The following CDHR3 variants were observed in gnomAD, a reference collection of about 807,000 sequenced individuals.
CDHR3 encodes the protein cadherin related family member 3.
CDHR3 carries 79 observed loss-of-function variants against 86.6 expected under a neutral mutation model. The observed-to-expected ratio is 0.91, with a 90% confidence interval of 0.76 to 1.10. The LOEUF is 1.10. CDHR3 is among the 50% of genes least tolerant of loss of function. The pLI is 0.00. For synonymous variants in CDHR3, 421 were observed against 402.4 expected, an observed-to-expected ratio of 1.05 and a Z score of -0.55; for missense variants, 1,081 against 1,077.6, an observed-to-expected ratio of 1.00 and a Z score of -0.04.
chr7:106,020,923 A>G (rs1284903285), intron 13 of CDHR3, among the ~76,000 whole-genome samples: 1 of 152,156 alleles, frequency 6.6e-6, no homozygotes, highest in Non-Finnish European at 1.5e-5. Context: ...AAGGCCCAAG[A>G]AAAGGGTGAA....
chr7:106,016,043 C>CA lies in CDHR3; in HGVS notation c.1426+19dup. On this transcript the variant is annotated intron_variant, in intron 11 of 18. Coordinates refer to ENST00000317716, the MANE Select transcript of CDHR3 (RefSeq NM_152750.5). ...AAGGCCCGGTAAGTAACAGATAAGACACAGACCAGAGTGCTGTCAATGGAC... is the reference window on the plus strand; with the variant it reads ...AAGGCCCGGTAAGTAACAGATAAGACAACAGACCAGAGTGCTGTCAATGGAC... 1 of 1,542,296 alleles carries CA rather than the reference C, an allele frequency of 6.5e-7. No homozygotes were observed. Among genetic ancestry groups the CA allele is most frequent in the Non-Finnish European group, 8.9e-7 (1 of 1,120,858 alleles).
At chr7:105,964,185 TC>T (rs1826496478) in intron 1 of CDHR3, among the ~76,000 whole-genome samples, 1 of 152,198 alleles carries the variant, frequency 6.6e-6, no homozygotes, top group African/African-American at 2.4e-5. Context: ...CATTTGTTTT[TC>T]TTAGGAGTAT....
At chr7:105,982,557 C>T (rs1264352491) in intron 3 of CDHR3, among the ~76,000 whole-genome samples, 1 of 152,020 alleles carries the variant, frequency 6.6e-6, no homozygotes, top group Non-Finnish European at 1.5e-5. Flanking sequence ...CTCCTTTCCC[C>T]TTCTCCCCCT....
chr7:106,009,558 G>A (rs2115826404), intron 8 of CDHR3, among the ~76,000 whole-genome samples: 1 of 152,368 alleles, frequency 6.6e-6, no homozygotes, highest in South Asian at 2.1e-4. Flanking sequence ...CTGCTGTGGA[G>A]TTCTTGAGAG....
At position 106,032,610 on chromosome 7, in the gene CDHR3, A is replaced by G; in HGVS notation, c.2571A>G (p.Arg857=). 4 of 1,613,958 alleles carry G rather than the reference A, an allele frequency of 2.5e-6. No homozygotes were observed. Among genetic ancestry groups the G allele is most frequent in the Non-Finnish European group, 3.4e-6 (4 of 1,179,874 alleles). ...CTGAGGATGCTGGTCTGGGTTCCAG[A>G]AATGAGGGTGGCAAGCTGGGCAACC... The part of the protein sequence containing the change: ...AWAEDAGLGS[R]NEGGKLGNPK... The change falls in exon 19 of 19, where the codon AGA becomes AGG. Residue 857 remains arginine, a synonymous_variant. Transcript: ENST00000317716.
At chr7:106,003,850 A>G (rs1003944556) in intron 7 of CDHR3, among the ~76,000 whole-genome samples, 3 of 152,000 alleles carry the variant, frequency 2.0e-5, no homozygotes, top group Non-Finnish European at 2.9e-5. Context: ...AGGGACAACC[A>G]TGGTTGAGAA....
intron 8 of CDHR3, among the ~76,000 whole-genome samples, chr7:106,009,755 G>C (rs971293422): frequency 1.3e-5 from 2 of 152,244 alleles, no homozygotes; most frequent in African/African-American, 4.8e-5. Context: ...CCCAGGGCCC[G>C]ACGGAGGCAT....
In CDHR3 at chr7:106,035,881, C is replaced by T. The variant is rs1016554707; in HGVS notation, c.*3184C>T. 4 of 152,186 alleles carry T rather than the reference C, an allele frequency of 2.6e-5. No homozygotes were observed. Among genetic ancestry groups the T allele is most frequent in the Non-Finnish European group, 5.9e-5 (4 of 68,030 alleles). 9.4% of individuals were successfully genotyped at this position (152,186 alleles called of 1,614,324 possible). A position where few individuals can be genotyped will look rare whatever the true frequency, so the allele number is the denominator to read the frequency against. ...GATTGGTTACAGACAGCCAATTTCC[C>T]AGCGTTGACCAGGTTTTGGGGGGAA... On this transcript the variant is annotated 3_prime_UTR_variant, in exon 19 of 19. Transcript: ENST00000317716.
chr7:105,980,588 T>G (rs1430574990), intron 2 of CDHR3, among the ~76,000 whole-genome samples: 22 of 20,698 alleles, frequency 1.1e-3, no homozygotes, highest in African/African-American at 2.4e-3. Flanking sequence ...GTGGAAGGTT[T>G]TTTTTTTTTT....
chr7:105,990,460 A>G (rs954788885), intron 4 of CDHR3, among the ~76,000 whole-genome samples: 3 of 152,132 alleles, frequency 2.0e-5, no homozygotes, highest in African/African-American at 7.2e-5. Flanking sequence ...AAACAAAGAG[A>G]GGAATTGAGG....
At chr7:105,968,937 A>G (rs941290270) in intron 1 of CDHR3, among the ~76,000 whole-genome samples, 18 of 151,252 alleles carry the variant, frequency 1.2e-4, no homozygotes, top group Non-Finnish European at 5.9e-5. Flanking sequence ...AAATACAAAA[A>G]GTTAGCCAGG....
At position 106,015,954 on chromosome 7, in the gene CDHR3, G is replaced by T. The variant is rs757740235; in HGVS notation, c.1355G>T (p.Ser452Ile). ...KNNVYVYILT[S>I]PENEFPLIFD... ...AACGTCTACGTTTATATCCTAACAA[G>T]CCCAGAAAATGAGTTTCCTCTCATT... Residue 452 changes from serine to isoleucine, a missense_variant, in exon 11 of 19, where the codon AGC becomes ATC. By Grantham distance (142) the Ser-to-Ile change is moderately radical. Transcript: ENST00000317716. The T allele has an allele frequency of 5.6e-6, 9 of 1,612,720 alleles. No individual in the cohort carries two copies. Among genetic ancestry groups the T allele is most frequent in the Non-Finnish European group, 7.6e-6 (9 of 1,179,120 alleles).
chr7:105,972,564 G>A (rs961796486), intron 1 of CDHR3, among the ~76,000 whole-genome samples: 8 of 152,108 alleles, frequency 5.3e-5, no homozygotes, highest in Non-Finnish European at 8.8e-5. Context: ...GCATTTGCGA[G>A]AAAAGAGAAT....
rs775526761 is a variant in CDHR3, at chr7:106,015,170, G to A, written c.1284G>A (p.Thr428=). Residue 428 remains threonine, a synonymous_variant, in exon 10 of 19, where the codon ACG becomes ACA. Transcript: ENST00000317716. ...PSNLAAGNKY[T]VIIQVQDVAP... ...ACCTAGCAGCCGGCAATAAATATACGGTGATAATCCAGGTGCAGGATGTGG... is the reference window on the plus strand; with the variant it reads ...ACCTAGCAGCCGGCAATAAATATACAGTGATAATCCAGGTGCAGGATGTGG... 1.9e-5 allele frequency: 31 copies of A among 1,611,380 alleles called. No individual in the cohort carries two copies. The highest frequency in any genetic ancestry group is 4.0e-5 in the African/African-American group (3 of 74,832).
intron 3 of CDHR3, 83 bp downstream of exon 3, chr7:105,981,216 A>G: frequency 1.4e-6 from 2 of 1,389,822 alleles, no homozygotes; most frequent in Admixed American, 2.5e-5. Context: ...CAGAAAAAGT[A>G]AATAAACAAG....
chr7:106,022,482 A>G (rs1836723448), intron 14 of CDHR3, 34 bp downstream of exon 14: 1 of 1,603,532 alleles, frequency 6.2e-7, no homozygotes, highest in Non-Finnish European at 8.5e-7. Context: ...CCCCAGGCAC[A>G]TTCCCTTGTG....
intron 10 of CDHR3, among the ~76,000 whole-genome samples, 200 bp downstream of exon 10, chr7:106,015,413 G>A (rs1011766260): frequency 6.6e-6 from 1 of 151,944 alleles, no homozygotes; most frequent in Non-Finnish European, 1.5e-5. Flanking sequence ...TGACTTCCTT[G>A]GTTAAAGCCT....
chr7:106,032,778 A>AG lies in CDHR3; in HGVS notation c.*87dup, dbSNP rs1252605587. 2.8e-6 allele frequency: 4 copies of AG among 1,416,248 alleles called. No individual in the cohort carries two copies. In the African/African-American group the frequency reaches 4.3e-5, roughly 15 times the overall value. 87.7% of individuals were successfully genotyped at this position (1,416,248 alleles called of 1,614,324 possible). A position where few individuals can be genotyped will look rare whatever the true frequency, so the allele number is the denominator to read the frequency against. On this transcript the variant is annotated 3_prime_UTR_variant, in exon 19 of 19. Coordinates refer to ENST00000317716, the MANE Select transcript of CDHR3 (RefSeq NM_152750.5). The stretch of plus-strand genomic sequence containing the variant: ...TATGGGGATGGTGTGGGCATGGTGT[A>AG]GGGGGGAAAATGTGGGCTGAGGGGA...
At chr7:105,999,562 A>G (rs934179726) in intron 6 of CDHR3, among the ~76,000 whole-genome samples, 2 of 152,144 alleles carry the variant, frequency 1.3e-5, no homozygotes, top group Admixed American at 1.3e-4. Flanking sequence ...TGAAAATCAA[A>G]CATGTTCAGA....
Sources: gnomAD v4.1 joint callset for allele counts (sites outside exome capture counted in the v4.1 genomes callset) on GRCh38, gnomAD v4.1.1 for gene constraint, MANE v1.5 for transcripts, NCBI Gene and HGNC (gene_info 2026-07-23, HGNC 2026-07-21) for gene names.